The following CYB5B variants were observed in gnomAD, a reference collection of about 807,000 sequenced individuals.
The protein encoded by CYB5B is cytochrome b5 type B.
In CYB5B, 14 loss-of-function variants were observed where a neutral mutation model predicts 21.3. That is an observed-to-expected ratio of 0.66 (90% CI 0.43 to 1.03). CYB5B has a LOEUF of 1.03. CYB5B is among the 50% of genes least tolerant of loss of function. The probability of loss-of-function intolerance (pLI) is 0.00; values close to 1 mark genes in which losing one functional copy is unlikely to be tolerated. For missense variants in CYB5B, 166 were observed against 185.1 expected (o/e 0.90, Z 0.60); for synonymous variants, 69 against 68.4 (o/e 1.01, Z -0.04).
intron 1 of CYB5B, among the ~76,000 whole-genome samples, chr16:69,432,316 A>G (rs539408723): frequency 6.6e-6 from 1 of 152,332 alleles, no homozygotes; most frequent in African/African-American, 2.4e-5. Context: ...GTACTCATAC[A>G]AGCATTCTGT....
rs751501732 is a variant in CYB5B, at chr16:69,447,155, T to C, written c.180T>C (p.Pro60=). Residue 60 remains proline (P), a synonymous_variant, in exon 2 of 5, where the codon CCT becomes CCC. Transcript: ENST00000307892. The part of the protein sequence containing the change: ...YDVTRFLNEH[P]GGEEVLLEQA... ...TAAATATCTTTTCCTTGTAGCACCC[T>C]GGAGGAGAAGAGGTTCTGCTGGAAC... The C allele has an allele frequency of 8.7e-6, 14 of 1,613,972 alleles. No individual in the cohort carries two copies. In the East Asian group the frequency reaches 3.1e-4, roughly 36 times the overall value.
intron 1 of CYB5B, among the ~76,000 whole-genome samples, chr16:69,429,594 C>G (rs531984654): frequency 1.3e-3 from 193 of 152,178 alleles, no homozygotes; most frequent in Non-Finnish European, 4.4e-4. Context: ...TTGAGGAGAC[C>G]AGTTAGGAGG....
chr16:69,461,740 T>A (rs1425774508), intron 4 of CYB5B, among the ~76,000 whole-genome samples: 1 of 152,192 alleles, frequency 6.6e-6, no homozygotes, highest in Non-Finnish European at 1.5e-5. Context: ...TAGAACTGTA[T>A]ATGCTTTGTG....
intron 1 of CYB5B, among the ~76,000 whole-genome samples, chr16:69,430,393 A>AT (rs1037897999): frequency 5.3e-5 from 8 of 151,136 alleles, no homozygotes; most frequent in African/African-American, 9.7e-5. Context: ...TTTTTTTGGT[A>AT]TTTTTTTTGT....
chr16:69,455,673 T>C (rs9929584), intron 3 of CYB5B, among the ~76,000 whole-genome samples: 56,830 of 151,832 alleles, frequency 0.37, 11,752 homozygotes, highest in African/African-American at 0.55. Context: ...CTCATGTAAT[T>C]CATGCCTGGG....
intron 1 of CYB5B, among the ~76,000 whole-genome samples, chr16:69,428,677 A>T (rs149609803): frequency 7.4e-4 from 112 of 152,268 alleles, no homozygotes; most frequent in Non-Finnish European, 1.2e-3. Context: ...AAAGAAAAAT[A>T]ATACAGGGAA....
At chr16:69,462,220 T>C (rs888888106) in intron 4 of CYB5B, among the ~76,000 whole-genome samples, 1 of 152,234 alleles carries the variant, frequency 6.6e-6, no homozygotes, top group African/African-American at 2.4e-5. Flanking sequence ...TATCATACTA[T>C]TGGTTGTTTT....
chr16:69,453,297 G>A (rs1469561461), intron 3 of CYB5B, among the ~76,000 whole-genome samples: 1 of 151,964 alleles, frequency 6.6e-6, no homozygotes, highest in Non-Finnish European at 1.5e-5. Flanking sequence ...GTTATATAAT[G>A]TATTATGTAA....
chr16:69,454,142 G>A (rs1435416956), intron 3 of CYB5B, among the ~76,000 whole-genome samples: 1 of 152,112 alleles, frequency 6.6e-6, no homozygotes, highest in African/African-American at 2.4e-5. Flanking sequence ...TCCTGTGAAT[G>A]TGTTAATTTT....
rs1185692619 is a variant in CYB5B, at chr16:69,438,207, T to C, written c.175-8943T>C. 1.3e-5 allele frequency among the ~76,000 whole-genome samples: 2 copies of C among 152,238 alleles called. 1 individual carries two copies. The highest frequency in any genetic ancestry group is 2.9e-5 in the Non-Finnish European group (2 of 68,036). On this transcript the variant is annotated intron_variant, in intron 1 of 4. Coordinates refer to ENST00000307892, the MANE Select transcript of CYB5B (RefSeq NM_030579.3). Reference sequence around the variant, plus strand: ...TTTACTTAGCATAATGTCTTCAAGGTTCATTCATGTTGTAGTATGTATCAG... The same window carrying C: ...TTTACTTAGCATAATGTCTTCAAGGCTCATTCATGTTGTAGTATGTATCAG...
intron 1 of CYB5B, among the ~76,000 whole-genome samples, chr16:69,441,592 C>T (rs2014824013): frequency 6.6e-6 from 1 of 152,182 alleles, no homozygotes; most frequent in East Asian, 1.9e-4. Flanking sequence ...CTGCCACTTC[C>T]CTGGACATTT....
intron 1 of CYB5B, among the ~76,000 whole-genome samples, chr16:69,437,036 A>G (rs960894414): frequency 1.1e-4 from 16 of 152,340 alleles, no homozygotes; most frequent in East Asian, 3.9e-4. Context: ...TTCCCCTACT[A>G]TCACATATTC....
At chr16:69,444,592 G>C (rs1241275514) in intron 1 of CYB5B, among the ~76,000 whole-genome samples, 1 of 151,662 alleles carries the variant, frequency 6.6e-6, no homozygotes, top group Non-Finnish European at 1.5e-5. Flanking sequence ...TCTCTATTAA[G>C]ACCATATTTT....
At chr16:69,435,990 G>A (rs1413379347) in intron 1 of CYB5B, among the ~76,000 whole-genome samples, 1 of 152,142 alleles carries the variant, frequency 6.6e-6, no homozygotes, top group African/African-American at 2.4e-5. Flanking sequence ...GGTTCCAAGT[G>A]GTTAGTTCTA....
intron 1 of CYB5B, among the ~76,000 whole-genome samples, chr16:69,428,321 C>T (rs991519123): frequency 6.6e-6 from 1 of 152,028 alleles, no homozygotes. Flanking sequence ...GAGTAAATAA[C>T]TAAAATATAT....
rs1380421376 is a variant in CYB5B at position 69,465,785 on chromosome 16, ATGTCT to A, written c.*3271_*3275del. ...TACCCCAAGAGAAATGGATTCAGAC[ATGTCT>A]TGTCTCAACAAGAAATTGATTTTTT... is the stretch of plus-strand genomic sequence containing the variant. On this transcript the variant is annotated 3_prime_UTR_variant, in exon 5 of 5. Transcript: ENST00000307892. 6.6e-6 allele frequency: 1 copy of A among 152,240 alleles called. No homozygotes were observed. The highest frequency in any genetic ancestry group is 2.4e-5 in the African/African-American group (1 of 41,456). 9.4% of individuals were successfully genotyped at this position (152,240 alleles called of 1,614,324 possible).
chr16:69,446,346 C>A (rs1042356359), intron 1 of CYB5B, among the ~76,000 whole-genome samples: 4 of 152,136 alleles, frequency 2.6e-5, no homozygotes, highest in African/African-American at 9.7e-5. Flanking sequence ...TATTTTGAGT[C>A]AGAGTCTCAC....
Position 69,463,938 on chromosome 16 carries a change from C to A in CYB5B, c.*1418C>A, listed in dbSNP as rs1223324356. On this transcript the variant is annotated 3_prime_UTR_variant, in exon 5 of 5. Transcript: ENST00000307892. ...GAAGCACTTGAGGAAATAAATAGTA[C>A]ACTGGCTGTTTTCTGCCAGCAACTG... is the stretch of plus-strand genomic sequence containing the variant. 6.6e-6 allele frequency: 1 copy of A among 152,108 alleles called. No individual in the cohort carries two copies. The highest frequency in any genetic ancestry group is 1.9e-4 in the East Asian group (1 of 5,204). 9.4% of individuals were successfully genotyped at this position (152,108 alleles called of 1,614,324 possible).
intron 2 of CYB5B, 70 bp downstream of exon 2, chr16:69,447,348 A>T: frequency 6.4e-7 from 1 of 1,560,884 alleles, no homozygotes; most frequent in Non-Finnish European, 8.7e-7. Flanking sequence ...CAGGATGAAG[A>T]AATGAATTAT....
Sources: allele counts gnomAD v4.1 joint callset (sites outside exome capture counted in the v4.1 genomes callset), GRCh38; gene constraint gnomAD v4.1.1; transcripts MANE v1.5; gene names NCBI Gene and HGNC (gene_info 2026-07-23, HGNC 2026-07-21).